The following CST3 variants were observed in gnomAD, a reference collection of about 807,000 sequenced individuals.
CST3 encodes cystatin-C.
CST3 carries 14 observed loss-of-function variants against 9.0 expected under a neutral mutation model. That is an observed-to-expected ratio of 1.56 (90% CI 1.03 to 2.44). The LOEUF is 2.44. Ranked by LOEUF, CST3 falls within the 30% of genes most tolerant of loss-of-function variation. The probability of loss-of-function intolerance (pLI) is 0.00; values close to 1 mark genes in which losing one functional copy is unlikely to be tolerated. For synonymous variants in CST3, 96 were observed against 90.2 expected (o/e 1.06, Z -0.37); for missense variants, 237 against 204.3 (o/e 1.16, Z -0.98).
chr20:23,633,584 A>T, downstream of CST3: 1 of 493,568 alleles, frequency 2.0e-6, no homozygotes, highest in African/African-American at 1.9e-5. Context: ...CAGCAGGACA[A>T]GGAGGCTTCA....
At chr20:23,630,162 T>A (rs1979401400), downstream of CST3, among the ~76,000 whole-genome samples, 1 of 152,182 alleles carries the variant, frequency 6.6e-6, no homozygotes, top group Non-Finnish European at 1.5e-5. Flanking sequence ...AAACATCCAA[T>A]GTCCACGTCC....
At chr20:23,635,449 T>A in intron 1 of CST3, 82 bp from the exon 2 acceptor site, 1 of 1,260,180 alleles carries the variant, frequency 7.9e-7, no homozygotes, top group Non-Finnish European at 1.1e-6. Context: ...TGTGACCGGG[T>A]CACTGGGCTT....
exon 4 of CST3, chr20:23,627,817 T>C (rs913122069): frequency 6.6e-6 from 1 of 152,254 alleles, no homozygotes; most frequent in Non-Finnish European, 1.5e-5. Flanking sequence ...TTACATATCT[T>C]CTTTGGAAAA....
chr20:23,635,355 C>A lies in CST3; in HGVS notation c.256G>T (p.Val86Leu). ...AGCTCCACGTCCAAGAAGTAGTTCACCCCAGCTACGATCTACACATGTGAA... is the reference window on the plus strand; with the variant it reads ...AGCTCCACGTCCAAGAAGTAGTTCAACCCAGCTACGATCTACACATGTGAA... The part of the protein sequence containing the change: ...VRARKQIVAG[V>L]NYFLDVELGR... The change falls in exon 2 of 3, where the codon GTG becomes TTG. Residue 86 changes from valine (V) to leucine (L), a missense_variant. Physicochemically the swap from Val to Leu is conservative, Grantham distance 32. Transcript: ENST00000376925. The A allele has an allele frequency of 6.2e-7, 1 of 1,601,430 alleles. No individual in the cohort carries two copies. Among genetic ancestry groups the A allele is most frequent in the East Asian group, 2.3e-5 (1 of 44,212 alleles).
chr20:23,629,737 G>A (rs537094789), downstream of CST3, among the ~76,000 whole-genome samples: 5 of 95,484 alleles, frequency 5.2e-5, no homozygotes, highest in African/African-American at 1.6e-4. Context: ...TGACTGGTGG[G>A]GGGGGGAGGG....
intron 2 of CST3, among the ~76,000 whole-genome samples, chr20:23,634,837 G>A (rs1979596557): frequency 6.6e-6 from 1 of 151,998 alleles, no homozygotes; most frequent in African/African-American, 2.4e-5. Flanking sequence ...TCACCCATAC[G>A]GATCTATGCA....
At position 23,637,714 on chromosome 20, in the gene CST3, C is replaced by T; in HGVS notation, c.149G>A (p.Arg50Gln). 6.5e-7 allele frequency: 1 copy of T among 1,544,862 alleles called. No individual in the cohort carries two copies. The highest frequency in any genetic ancestry group is 1.2e-5 in the South Asian group (1 of 83,158). ...MDASVEEEGV[R>Q]RALDFAVGEY... ...GCCGACGGCAAAGTCCAGTGCACGC[C>T]GCACACCCTCCTCCTCCACGCTGGC... The change falls in exon 1 of 3, where the codon CGG becomes CAG. Residue 50 changes from arginine to glutamine, a missense_variant. Coordinates refer to ENST00000376925, the MANE Select transcript of CST3 (RefSeq NM_000099.4).
chr20:23,637,871 AGGACGCG>A lies in CST3; in HGVS notation c.-16_-10del, dbSNP rs949088725. 1 of 1,335,482 alleles carries A rather than the reference AGGACGCG, an allele frequency of 7.5e-7. No individual in the cohort carries two copies. The highest frequency in any genetic ancestry group is 4.0e-5 in the Admixed American group (1 of 24,842). 82.7% of individuals were successfully genotyped at this position (1,335,482 alleles called of 1,614,324 possible). A position where few individuals can be genotyped will look rare whatever the true frequency, so the allele number is the denominator to read the frequency against. Reference sequence around the variant, plus strand: ...CGCAGGGGCCCGGCCATGGTCGGCTAGGACGCGGGACGCGGGGAGTGGGGCGCAGGCG... The same window carrying A: ...CGCAGGGGCCCGGCCATGGTCGGCTAGGACGCGGGGAGTGGGGCGCAGGCG... On this transcript the variant is annotated 5_prime_UTR_variant, in exon 1 of 3. Coordinates refer to ENST00000376925, the MANE Select transcript of CST3 (RefSeq NM_000099.4).
Position 23,637,821 on chromosome 20 carries a change from G to A in CST3, c.42C>T (p.Ile14=). 6.7e-7 allele frequency: 1 copy of A among 1,496,106 alleles called. No homozygotes were observed. The highest frequency in any genetic ancestry group is 1.3e-5 in the South Asian group (1 of 78,144). 92.7% of individuals were successfully genotyped at this position (1,496,106 alleles called of 1,614,324 possible). Residue 14 remains isoleucine (I), a synonymous_variant, in exon 1 of 3, where the codon ATC becomes ATT. Transcript: ENST00000376925. The part of the protein sequence containing the change: ...PLRAPLLLLA[I]LAVALAVSPA... ...GGCTCACGGCCAGGGCCACGGCCAG[G>A]ATGGCCAGCAGGAGCAGCGGGGCGC...
chr20:23,629,735 G>T (rs77488724), downstream of CST3, among the ~76,000 whole-genome samples: 3 of 105,546 alleles, frequency 2.8e-5, no homozygotes, highest in African/African-American at 1.0e-4. Context: ...AGTGACTGGT[G>T]GGGGGGGGAG....
At chr20:23,633,259 C>T (rs948530035), downstream of CST3, among the ~76,000 whole-genome samples, 41 of 152,174 alleles carry the variant, frequency 2.7e-4, no homozygotes, top group African/African-American at 8.2e-4. Context: ...GTCTGCTCAA[C>T]TCTGCAAGCA....
At position 23,633,942 on chromosome 20, in the gene CST3, A is replaced by C. The variant is rs1301523390; in HGVS notation, c.415T>G (p.Ser139Ala). Reference sequence around the variant, plus strand: ...TAGGCGTCCTGACAGGTGGATTTCGACAAGGTCATTGTGCCCTGCCAAGGC... The same window carrying C: ...TAGGCGTCCTGACAGGTGGATTTCGCCAAGGTCATTGTGCCCTGCCAAGGC... ...AVPWQGTMTL[S>A]KSTCQDA Residue 139 changes from serine to alanine, a missense_variant, in exon 3 of 3, where the codon TCG becomes GCG. Transcript: ENST00000376925. The C allele has an allele frequency of 6.2e-7, 1 of 1,614,184 alleles. No homozygotes were observed. The highest frequency in any genetic ancestry group is 1.1e-5 in the South Asian group (1 of 91,082).
At chr20:23,631,836 T>A (rs187115785), downstream of CST3, 1 of 152,376 alleles carries the variant, frequency 6.6e-6, no homozygotes, top group Admixed American at 6.5e-5. Flanking sequence ...TCCAACTTAC[T>A]GTGTTTATTC....
At chr20:23,627,784 G>T (rs1010117) in exon 4 of CST3, 1 of 151,948 alleles carries the variant, frequency 6.6e-6, no homozygotes, top group Non-Finnish European at 1.5e-5. Flanking sequence ...TGTTATGCAC[G>T]TTTTTATGCG....
chr20:23,635,498 T>C (rs2122475984), intron 1 of CST3, 131 bp from the exon 2 acceptor site: 1 of 785,546 alleles, frequency 1.3e-6, no homozygotes, highest in South Asian at 1.6e-5. Context: ...GCTGCCCACA[T>C]TGTCACCTGC....
At chr20:23,631,237 A>G (rs1979441702), downstream of CST3, among the ~76,000 whole-genome samples, 1 of 152,186 alleles carries the variant, frequency 6.6e-6, no homozygotes, top group Admixed American at 6.5e-5. Flanking sequence ...CCTGAAACTG[A>G]CCTATGGTTA....
downstream of CST3, among the ~76,000 whole-genome samples, chr20:23,631,116 GGAATAAA>G (rs1206957874): frequency 2.0e-5 from 3 of 151,514 alleles, no homozygotes; most frequent in Non-Finnish European, 2.9e-5. Flanking sequence ...AAATTTTGGG[GGAATAAA>G]GAATAAAGAT....
intron 2 of CST3, among the ~76,000 whole-genome samples, chr20:23,634,497 T>A (rs1267885863): frequency 3.3e-5 from 5 of 152,112 alleles, no homozygotes; most frequent in African/African-American, 1.2e-4. Flanking sequence ...CCTGGGTCCT[T>A]GGAGAAGCTG....
chr20:23,637,932 G>A lies in CST3; in HGVS notation c.-70C>T. 7.5e-7 allele frequency: 1 copy of A among 1,334,072 alleles called. No individual in the cohort carries two copies. The highest frequency in any genetic ancestry group is 9.5e-7 in the Non-Finnish European group (1 of 1,052,642). The allele number at this position is 1,334,072 out of a possible 1,614,324, so 82.6% of individuals were successfully genotyped here. ...GGCTGGAGCTAGATAGAGAGGACCCGCTGCGATACCGAGGCGAGGCCGTGA... is the reference window on the plus strand; with the variant it reads ...GGCTGGAGCTAGATAGAGAGGACCCACTGCGATACCGAGGCGAGGCCGTGA... On this transcript the variant is annotated 5_prime_UTR_variant, in exon 1 of 3. Transcript: ENST00000376925.
Sources: allele counts gnomAD v4.1 joint callset (sites outside exome capture counted in the v4.1 genomes callset), GRCh38; gene constraint gnomAD v4.1.1; transcripts MANE v1.5; gene names NCBI Gene and HGNC (gene_info 2026-07-23, HGNC 2026-07-21).